Variants in GOLIM4 observed in about 807,000 individuals in gnomAD.
GOLIM4 encodes 130 kDa golgi-localized phosphoprotein.
A neutral mutation model predicts 107.4 loss-of-function variants in GOLIM4; 71 were observed. The ratio of observed to expected loss-of-function variants is 0.66; its 90% CI spans 0.55 to 0.81. The LOEUF (loss-of-function observed/expected upper bound fraction) is 0.81. Among genes scored for constraint, GOLIM4 ranks in the 30% least tolerant of loss-of-function variants. The probability of loss-of-function intolerance (pLI) is 0.00; values close to 1 mark genes in which losing one functional copy is unlikely to be tolerated. For synonymous variants in GOLIM4, 327 were observed against 294.8 expected, an observed-to-expected ratio of 1.11 and a Z score of -1.12; for missense variants, 830 against 826.1, an observed-to-expected ratio of 1.00 and a Z score of -0.06.
In GOLIM4 at chr3:168,009,024, T is replaced by C. The variant is rs2108199120; in HGVS notation, c.*1245A>G. ...GTAGAAAATGAAATGTTTTTATTAA[T>C]TTGATTATTAATACAAAACCACACA... On this transcript the variant is annotated 3_prime_UTR_variant, in exon 16 of 16. Transcript: ENST00000470487. 1 of 152,244 alleles carries C rather than the reference T, an allele frequency of 6.6e-6. No individual in the cohort carries two copies. Among genetic ancestry groups the C allele is most frequent in the South Asian group, 2.1e-4 (1 of 4,818 alleles). 9.4% of individuals were successfully genotyped at this position (152,244 alleles called of 1,614,324 possible).
chr3:168,014,713 T>G (rs1276524824), intron 14 of GOLIM4, among the ~76,000 whole-genome samples: 1 of 139,424 alleles, frequency 7.2e-6, no homozygotes, highest in Non-Finnish European at 1.5e-5. Flanking sequence ...GCTTCATCCC[T>G]GGGATGCAAG....
At chr3:168,015,176 A>C (rs1717291865) in intron 14 of GOLIM4, among the ~76,000 whole-genome samples, 1 of 142,666 alleles carries the variant, frequency 7.0e-6, no homozygotes, top group Admixed American at 6.9e-5. Flanking sequence ...TAAGCTGATA[A>C]GCAACTTCAG....
At chr3:168,035,825 C>T (rs1169207383) in intron 8 of GOLIM4, among the ~76,000 whole-genome samples, 1 of 151,762 alleles carries the variant, frequency 6.6e-6, no homozygotes, top group South Asian at 2.1e-4. Flanking sequence ...AACCATATTG[C>T]CTATTTTTTT....
At chr3:168,068,587 A>G (rs1720669484) in intron 1 of GOLIM4, among the ~76,000 whole-genome samples, 1 of 152,008 alleles carries the variant, frequency 6.6e-6, no homozygotes, top group African/African-American at 2.4e-5. Context: ...TTTTAATACT[A>G]AAAAGGGAAG....
At chr3:168,012,373 C>G (rs1717095836) in intron 14 of GOLIM4, among the ~76,000 whole-genome samples, 1 of 144,468 alleles carries the variant, frequency 6.9e-6, no homozygotes, top group African/African-American at 2.9e-5. Flanking sequence ...AAGCCTCCAA[C>G]AAATATGGGA....
chr3:168,043,581 A>G, intron 4 of GOLIM4, 52 bp from the exon 5 acceptor site: 3 of 1,459,792 alleles, frequency 2.1e-6, no homozygotes, highest in Non-Finnish European at 2.8e-6. Flanking sequence ...ATTATATGAG[A>G]GTCTATTTCT....
chr3:168,046,892 G>A, intron 3 of GOLIM4, 58 bp downstream of exon 3: 1 of 929,182 alleles, frequency 1.1e-6, no homozygotes, highest in Middle Eastern at 2.2e-4. Flanking sequence ...TCTCTTTCAA[G>A]TTTTATGAAA....
chr3:168,024,823 T>C, intron 13 of GOLIM4, 105 bp downstream of exon 13: 2 of 1,189,952 alleles, frequency 1.7e-6, no homozygotes, highest in Non-Finnish European at 2.4e-6. Flanking sequence ...ACCACCGAAG[T>C]GGCAAACCTT....
chr3:168,038,539 T>C (rs1235584164), intron 7 of GOLIM4, among the ~76,000 whole-genome samples: 10 of 152,240 alleles, frequency 6.6e-5, no homozygotes, highest in South Asian at 2.1e-4. Context: ...GTTCTGGTCA[T>C]TGATTTTGGG....
In GOLIM4 at chr3:168,048,443, GA is replaced by G. The variant is rs1478407431; in HGVS notation, c.188-79del. The stretch of plus-strand genomic sequence containing the variant: ...AAATTAACATCAATTTTTAAAACAG[GA>G]AGAAAACAGTGTAGAGTCTTTACAC... On this transcript the variant is annotated intron_variant, in intron 1 of 15. Transcript: ENST00000470487. The G allele has an allele frequency of 5.7e-6, 4 of 696,132 alleles. No homozygotes were observed. The African/African-American group carries it at 7.2e-5, about 13-fold the overall frequency. 43.1% of individuals were successfully genotyped at this position (696,132 alleles called of 1,614,324 possible).
At chr3:168,067,701 G>A (rs537234144) in intron 1 of GOLIM4, among the ~76,000 whole-genome samples, 1 of 150,434 alleles carries the variant, frequency 6.6e-6, no homozygotes, top group African/African-American at 2.5e-5. Flanking sequence ...AAATATAAAT[G>A]AATGAATGAA....
At chr3:168,039,692 T>TTACATTTATGGCCG (rs1378095499) in intron 7 of GOLIM4, among the ~76,000 whole-genome samples, 1 of 152,226 alleles carries the variant, frequency 6.6e-6, no homozygotes, top group Non-Finnish European at 1.5e-5. Flanking sequence ...TTGCTCAGTC[T>TTACATTTATGGCCG]TACATTTATG....
chr3:168,094,245 A>G (rs976847434), intron 1 of GOLIM4, among the ~76,000 whole-genome samples: 3 of 152,276 alleles, frequency 2.0e-5, no homozygotes, highest in Admixed American at 2.0e-4. Flanking sequence ...TGTGAAAATT[A>G]CATTAAATTA....
At chr3:168,044,676 A>G (rs999415974) in intron 4 of GOLIM4, 152 bp downstream of exon 4, 3 of 588,604 alleles carry the variant, frequency 5.1e-6, no homozygotes, top group Non-Finnish European at 6.0e-6. Flanking sequence ...ACAACTATAT[A>G]TAATTTTTAG....
intron 1 of GOLIM4, among the ~76,000 whole-genome samples, chr3:168,066,453 G>A (rs1321419175): frequency 6.6e-6 from 1 of 152,090 alleles, no homozygotes; most frequent in African/African-American, 2.4e-5. Context: ...TTTATTTGCT[G>A]TTATTTTTTC....
rs1394814208 is a variant in GOLIM4, at chr3:168,095,536, G to A, written c.-251C>T. 1.3e-5 allele frequency: 6 copies of A among 468,538 alleles called. No homozygotes were observed. The highest frequency in any genetic ancestry group is 1.9e-5 in the Non-Finnish European group (5 of 265,342). 29.0% of individuals were successfully genotyped at this position (468,538 alleles called of 1,614,324 possible). A position where few individuals can be genotyped will look rare whatever the true frequency, so the allele number is the denominator to read the frequency against. On this transcript the variant is annotated 5_prime_UTR_variant, in exon 1 of 16. Transcript: ENST00000470487. ...GAGGCTCGTTCTCCGCGAATGCCCGGGGCCGGGAGGAGGCCCTCCGCATAC... is the reference window on the plus strand; with the variant it reads ...GAGGCTCGTTCTCCGCGAATGCCCGAGGCCGGGAGGAGGCCCTCCGCATAC...
In GOLIM4 at chr3:168,095,592, C is replaced by A; in HGVS notation, c.-307G>T. ...AGCCGGCTGCCCTCGCGCCTGTCCC[C>A]AGATGCCTCCTGCCTTTTTTCCTTC... On this transcript the variant is annotated 5_prime_UTR_variant, in exon 1 of 16. Coordinates refer to ENST00000470487, the MANE Select transcript of GOLIM4 (RefSeq NM_014498.5). 2.9e-6 allele frequency: 1 copy of A among 348,014 alleles called. No individual in the cohort carries two copies. Among genetic ancestry groups the A allele is most frequent in the African/African-American group, 2.2e-5 (1 of 45,438 alleles). 21.6% of individuals were successfully genotyped at this position (348,014 alleles called of 1,614,324 possible).
chr3:168,020,588 C>T (rs1177744281), intron 14 of GOLIM4, among the ~76,000 whole-genome samples: 3 of 152,204 alleles, frequency 2.0e-5, no homozygotes, highest in Admixed American at 1.3e-4. Flanking sequence ...TAGGTTATCT[C>T]ATTAGTCTCT....
chr3:168,064,094 A>C (rs186682862), intron 1 of GOLIM4, among the ~76,000 whole-genome samples: 5 of 152,306 alleles, frequency 3.3e-5, no homozygotes, highest in Non-Finnish European at 5.9e-5. Flanking sequence ...TGCCTTCACC[A>C]TGGTCCCAGG....
Sources: gnomAD v4.1 joint callset for allele counts (sites outside exome capture counted in the v4.1 genomes callset) on GRCh38, gnomAD v4.1.1 for gene constraint, MANE v1.5 for transcripts, NCBI Gene and HGNC (gene_info 2026-07-23, HGNC 2026-07-21) for gene names.